The following GEMIN8 variants were observed in gnomAD, a reference collection of about 807,000 sequenced individuals.
GEMIN8 encodes the protein gem nuclear organelle associated protein 8, also known as gem-associated protein 8.
For synonymous variants in GEMIN8, 80 were observed against 78.5 expected (o/e 1.02, Z -0.10); for missense variants, 185 against 205.9 (o/e 0.90, Z 0.62).
chrX:14,026,728 C>A (rs886591242), intron 1 of GEMIN8, among the ~76,000 whole-genome samples: 1 of 112,061 alleles, frequency 8.9e-6, no homozygotes, highest in African/African-American at 3.2e-5. Context: ...TAGGACAAAT[C>A]GTAGCAACCA....
At chrX:13,998,731 G>C in the GEMIN8 span, among the ~76,000 whole-genome samples, 31 of 111,564 alleles carry the variant, frequency 2.8e-4, no homozygotes, top group Non-Finnish European at 5.5e-4. Context: ...TAGGATTACA[G>C]GCATGAGCCA....
At chrX:14,028,698 T>C (rs1389932122) in intron 1 of GEMIN8, among the ~76,000 whole-genome samples, 1 of 112,160 alleles carries the variant, frequency 8.9e-6, no homozygotes, top group East Asian at 2.8e-4. Flanking sequence ...CTTTAGTTTG[T>C]ATACTTCCCC....
the GEMIN8 span, among the ~76,000 whole-genome samples, chrX:13,995,830 T>A: frequency 9.0e-6 from 1 of 111,620 alleles, no homozygotes; most frequent in Non-Finnish European, 1.9e-5. Flanking sequence ...CTTAACTTGG[T>A]CACATTTGCA....
At chrX:14,009,266 G>A in intron 4 of GEMIN8, 97 bp from the exon 5 acceptor site, 1 of 875,790 alleles carries the variant, frequency 1.1e-6, no homozygotes, top group South Asian at 2.4e-5. Flanking sequence ...CATGCCATCT[G>A]CAGCCCCCTA....
chrX:14,026,444 G>T, intron 1 of GEMIN8: 1 of 728,098 alleles, frequency 1.4e-6, no homozygotes, highest in Non-Finnish European at 1.6e-6. Context: ...AGGCAAGGCA[G>T]AGACTGAGTC....
rs1020412277 is a variant in GEMIN8 at position 14,008,890 on chromosome X, G to T, written c.*23C>A. ...GTGTACCCAAAAGGAAGAAGGAGAG[G>T]CTGGGTACCCTGTGCCCTGAGCTCA... On this transcript the variant is annotated 3_prime_UTR_variant, in exon 5 of 5. Coordinates refer to ENST00000680255, the MANE Select transcript of GEMIN8 (RefSeq NM_001042479.2). The T allele has an allele frequency of 1.0e-5, 12 of 1,194,940 alleles. No homozygotes were observed. In the African/African-American group the frequency reaches 1.6e-4, roughly 16 times the overall value.
chrX:14,028,766 T>C (rs1171699687), intron 1 of GEMIN8, among the ~76,000 whole-genome samples: 1 of 112,622 alleles, frequency 8.9e-6, no homozygotes, highest in Non-Finnish European at 1.9e-5. Context: ...CTTTCAGTTA[T>C]GCTTATTCCA....
intron 2 of GEMIN8, among the ~76,000 whole-genome samples, chrX:14,023,035 T>G (rs1315401873): frequency 8.9e-6 from 1 of 112,626 alleles, no homozygotes; most frequent in Admixed American, 9.4e-5. Flanking sequence ...TAAATTTATC[T>G]TAAACATAGC....
At chrX:13,996,962 G>C in the GEMIN8 span, among the ~76,000 whole-genome samples, 106 of 81,537 alleles carry the variant, frequency 1.3e-3, no homozygotes, top group South Asian at 1.0e-2. Context: ...TTTTGAGACA[G>C]AGTCTCTCTC....
downstream of GEMIN8, among the ~76,000 whole-genome samples, chrX:14,001,982 G>A (rs920466414): frequency 2.8e-5 from 3 of 107,728 alleles, no homozygotes; most frequent in East Asian, 3.0e-4. Flanking sequence ...AAAGCCGGGC[G>A]TGGTGGTAGG....
At chrX:14,023,053 T>C (rs928409565) in intron 2 of GEMIN8, among the ~76,000 whole-genome samples, 4 of 112,592 alleles carry the variant, frequency 3.6e-5, no homozygotes, top group African/African-American at 1.3e-4. Context: ...AGCCCATAGT[T>C]CCTGTTCCTT....
chrX:13,990,883 C>A, the GEMIN8 span, among the ~76,000 whole-genome samples: 1 of 111,614 alleles, frequency 9.0e-6, no homozygotes, highest in Non-Finnish European at 1.9e-5. Flanking sequence ...CAGGCATGTG[C>A]CACCATGGCT....
At chrX:14,009,722 T>C (rs915926313) in intron 4 of GEMIN8, among the ~76,000 whole-genome samples, 1 of 111,704 alleles carries the variant, frequency 9.0e-6, no homozygotes, top group Non-Finnish European at 1.9e-5. Context: ...CTGATAGAGC[T>C]TGCTTGGTTT....
chrX:14,014,824 TTGAG>T (rs199796474), intron 4 of GEMIN8, among the ~76,000 whole-genome samples: 2,930 of 111,706 alleles, frequency 0.026, 44 homozygotes, highest in East Asian at 0.084. Context: ...GAACAGCACT[TTGAG>T]TGTCTAAGCC....
the GEMIN8 span, among the ~76,000 whole-genome samples, chrX:14,000,885 G>A: frequency 1.8e-5 from 2 of 110,973 alleles, no homozygotes; most frequent in Non-Finnish European, 3.8e-5. Context: ...ACATGCCGCC[G>A]TCCTTTTATT....
intron 4 of GEMIN8, among the ~76,000 whole-genome samples, chrX:14,012,700 C>A (rs1313025645): frequency 9.0e-6 from 1 of 111,662 alleles, no homozygotes; most frequent in Non-Finnish European, 1.9e-5. Flanking sequence ...AAAGGCCATG[C>A]ATGATTTTTT....
chrX:14,008,964 G>C lies in GEMIN8; in HGVS notation c.678C>G (p.His226Gln). The change falls in exon 5 of 5, where the codon CAC becomes CAG. Residue 226 changes from histidine (H) to glutamine (Q), a missense_variant. Transcript: ENST00000680255. ...EAAVQLSFDK[H>Q]CDRKQPKYWP... ...AGTACTTGGGCTGCTTTCGGTCACA[G>C]TGCTTGTCAAAGCTCAGCTGCACCG... 8.3e-7 allele frequency: 1 copy of C among 1,211,037 alleles called. No individual in the cohort carries two copies. The highest frequency in any genetic ancestry group is 1.1e-6 in the Non-Finnish European group (1 of 894,443).
At chrX:14,023,927 C>T (rs950586870) in intron 2 of GEMIN8, among the ~76,000 whole-genome samples, 1 of 112,215 alleles carries the variant, frequency 8.9e-6, no homozygotes, top group South Asian at 3.6e-4. Context: ...ATCAATTATT[C>T]CAAACTGGGA....
the GEMIN8 span, among the ~76,000 whole-genome samples, chrX:13,994,289 T>G: frequency 9.0e-6 from 1 of 111,277 alleles, no homozygotes; most frequent in Non-Finnish European, 1.9e-5. Flanking sequence ...TCTCTCTTCC[T>G]GGAGTGCTTG....
Sources: gnomAD v4.1 joint callset for allele counts (sites outside exome capture counted in the v4.1 genomes callset) on GRCh38, gnomAD v4.1.1 for gene constraint, MANE v1.5 for transcripts, NCBI Gene and HGNC (gene_info 2026-07-23, HGNC 2026-07-21) for gene names.